The following PCDHA2 variants were observed in gnomAD, a reference collection of about 807,000 sequenced individuals.
PCDHA2 encodes the protein protocadherin alpha 2.
A neutral mutation model predicts 66.0 loss-of-function variants in PCDHA2; 58 were observed. That is an observed-to-expected ratio of 0.88 (90% CI 0.71 to 1.09). The LOEUF (loss-of-function observed/expected upper bound fraction) is 1.09, where lower values mean the gene tolerates loss of function less well. PCDHA2 is among the 50% of genes least tolerant of loss of function. The probability of loss-of-function intolerance (pLI) is 0.00; values close to 1 mark genes in which losing one functional copy is unlikely to be tolerated. For missense variants in PCDHA2, 1,267 were observed against 1,242.3 expected (o/e 1.02, Z -0.30); for synonymous variants, 634 against 554.0 (o/e 1.14, Z -2.03).
intron 1 of PCDHA2, among the ~76,000 whole-genome samples, chr5:140,798,961 T>C (rs1296909474): frequency 6.6e-6 from 1 of 152,210 alleles, no homozygotes; most frequent in African/African-American, 2.4e-5. Context: ...CTTTAGCCAT[T>C]TCATAGTTAG....
chr5:140,869,224 C>T, intron 1 of PCDHA2: 1 of 1,613,836 alleles, frequency 6.2e-7, no homozygotes, highest in South Asian at 1.1e-5. Context: ...GGAGGCCAAA[C>T]ACGGCACCTT....
At chr5:140,872,661 TA>T (rs1211452464) in intron 1 of PCDHA2, among the ~76,000 whole-genome samples, 12 of 152,166 alleles carry the variant, frequency 7.9e-5, no homozygotes, top group African/African-American at 2.9e-4. Flanking sequence ...ATTTGTCAAC[TA>T]TTGGATACTC....
intron 1 of PCDHA2, chr5:140,803,403 A>G: frequency 6.2e-7 from 1 of 1,614,250 alleles, no homozygotes; most frequent in Non-Finnish European, 8.5e-7. Context: ...TGGGCCGGGC[A>G]AGCCCACGCT....
intron 3 of PCDHA2, among the ~76,000 whole-genome samples, chr5:140,987,981 ACT>A (rs2153869731): frequency 6.6e-6 from 1 of 152,028 alleles, no homozygotes; most frequent in African/African-American, 2.4e-5. Context: ...CTCCATGGAG[ACT>A]CCATCTCTGA....
In PCDHA2 at chr5:140,857,614, G is replaced by A. The variant is rs1554150351; in HGVS notation, c.2388+60262G>A. ...GCAAGGTGTACGCGCTGCAGCCGCT[G>A]GACCACGAGGAGCTGGAGCTGCTAC... On this transcript the variant is annotated intron_variant, in intron 1 of 3. Transcript: ENST00000526136. 4 of 1,596,618 alleles carry A rather than the reference G, an allele frequency of 2.5e-6. 1 individual carries two copies. Among genetic ancestry groups the A allele is most frequent in the South Asian group, 1.1e-5 (1 of 90,494 alleles).
chr5:140,889,205 A>G (rs573455914), intron 1 of PCDHA2, among the ~76,000 whole-genome samples: 1 of 151,946 alleles, frequency 6.6e-6, no homozygotes, highest in East Asian at 2.0e-4. Context: ...TGAATACTTA[A>G]CAAAGAAGAA....
rs1763532234 is a variant in PCDHA2, at chr5:140,805,236, C to T, written c.2388+7884C>T. The T allele has an allele frequency of 2.2e-6, 3 of 1,346,802 alleles. No individual in the cohort carries two copies. The Admixed American group carries it at 1.1e-4, about 47-fold the overall frequency. The allele number at this position is 1,346,802 out of a possible 1,614,324, so 83.4% of individuals were successfully genotyped here. A position where few individuals can be genotyped will look rare whatever the true frequency, so the allele number is the denominator to read the frequency against. On this transcript the variant is annotated intron_variant, in intron 1 of 3. Transcript: ENST00000526136. ...ATTGTTTTCTATTCTGCTGCATTCCCCATCTGTACATTAAAATACCTGGTA... is the reference window on the plus strand; with the variant it reads ...ATTGTTTTCTATTCTGCTGCATTCCTCATCTGTACATTAAAATACCTGGTA...
chr5:140,830,390 A>G (rs1554132803), intron 1 of PCDHA2: 3 of 1,614,042 alleles, frequency 1.9e-6, no homozygotes, highest in South Asian at 1.1e-5. Flanking sequence ...CCCACCCAAG[A>G]TGGATCTCAT....
intron 3 of PCDHA2, among the ~76,000 whole-genome samples, chr5:140,997,668 T>G (rs2097778117): frequency 6.7e-6 from 1 of 148,344 alleles, no homozygotes; most frequent in African/African-American, 2.5e-5. Flanking sequence ...ATTATACAGC[T>G]TGTGTGTGTG....
intron 1 of PCDHA2, among the ~76,000 whole-genome samples, chr5:140,798,044 T>C (rs1489233243): frequency 1.3e-5 from 2 of 152,120 alleles, no homozygotes; most frequent in African/African-American, 4.8e-5. Flanking sequence ...TTTTTATTTT[T>C]AGTAGAGACG....
At chr5:140,879,653 AACAAACGAAC>A (rs1168940497) in intron 1 of PCDHA2, among the ~76,000 whole-genome samples, 1 of 152,232 alleles carries the variant, frequency 6.6e-6, no homozygotes, top group African/African-American at 2.4e-5. Flanking sequence ...TGGCTGCTAT[AACAAACGAAC>A]ACAAACTGGG....
intron 1 of PCDHA2, chr5:140,834,289 T>G: frequency 8.4e-7 from 1 of 1,186,076 alleles, no homozygotes; most frequent in Non-Finnish European, 1.2e-6. Flanking sequence ...TGCACAACAA[T>G]GGCCACACAT....
chr5:140,977,383 G>A (rs2096759264), intron 1 of PCDHA2, among the ~76,000 whole-genome samples: 1 of 152,134 alleles, frequency 6.6e-6, no homozygotes, highest in Non-Finnish European at 1.5e-5. Context: ...ATATTTCCAG[G>A]TTTATAAAAT....
At chr5:140,984,295 A>C (rs1195087908) in intron 3 of PCDHA2, among the ~76,000 whole-genome samples, 3 of 152,208 alleles carry the variant, frequency 2.0e-5, no homozygotes, top group African/African-American at 7.2e-5. Flanking sequence ...CCCATTGGTG[A>C]TGCTGGTTGG....
At position 140,828,716 on chromosome 5, in the gene PCDHA2, A is replaced by C. The variant is rs142386076; in HGVS notation, c.2388+31364A>C. On this transcript the variant is annotated intron_variant, in intron 1 of 3. Coordinates refer to ENST00000526136, the MANE Select transcript of PCDHA2 (RefSeq NM_018905.3). ...GGACAGAGAGGAAGCTCCTGCACACAACTTATTCCTGACAGCCACAGATGG... is the reference window on the plus strand; with the variant it reads ...GGACAGAGAGGAAGCTCCTGCACACCACTTATTCCTGACAGCCACAGATGG... The C allele has an allele frequency of 1.3e-4, 211 of 1,614,274 alleles. No homozygotes were observed. In the African/African-American group the frequency reaches 2.2e-3, roughly 17 times the overall value.
At chr5:140,854,961 T>C (rs557755220) in intron 1 of PCDHA2, among the ~76,000 whole-genome samples, 1 of 150,064 alleles carries the variant, frequency 6.7e-6, no homozygotes, top group South Asian at 2.1e-4. Flanking sequence ...TTAATTACTT[T>C]ATTCAGAATT....
intron 1 of PCDHA2, chr5:140,822,544 G>A (rs2150117161): frequency 5.6e-6 from 9 of 1,613,792 alleles, no homozygotes; most frequent in Non-Finnish European, 7.6e-6. Context: ...TGCACCAAGT[G>A]GGACATTAGT....
intron 1 of PCDHA2, among the ~76,000 whole-genome samples, chr5:140,949,517 C>T (rs2094387959): frequency 6.6e-6 from 1 of 151,706 alleles, no homozygotes; most frequent in African/African-American, 2.4e-5. Context: ...TTTATTGATC[C>T]TTTTATCTTC....
chr5:140,952,923 C>T (rs1554220692), intron 1 of PCDHA2, among the ~76,000 whole-genome samples: 1 of 151,990 alleles, frequency 6.6e-6, no homozygotes, highest in East Asian at 1.9e-4. Context: ...ATGGCATGAG[C>T]AGGAGCAGGA....
Sources: gnomAD v4.1 joint callset for allele counts (sites outside exome capture counted in the v4.1 genomes callset) on GRCh38, gnomAD v4.1.1 for gene constraint, MANE v1.5 for transcripts, NCBI Gene and HGNC (gene_info 2026-07-23, HGNC 2026-07-21) for gene names.